The following PRKN variants were observed in gnomAD, a reference collection of about 807,000 sequenced individuals.
PRKN encodes E3 ubiquitin-protein ligase parkin.
In PRKN, 56 loss-of-function variants were observed where a neutral mutation model predicts 59.5. The observed-to-expected ratio is 0.94, with a 90% CI of 0.76 to 1.18. PRKN has a LOEUF of 1.18. PRKN is among the 50% of genes most tolerant of loss of function. The pLI, the probability that PRKN is intolerant of heterozygous loss-of-function variation, is 0.00. For synonymous variants in PRKN, 250 were observed against 222.1 expected (o/e 1.13, Z -1.12); for missense variants, 657 against 596.4 (o/e 1.10, Z -1.06).
chr6:162,380,532 T>C (rs35285809), intron 2 of PRKN, among the ~76,000 whole-genome samples: 6,300 of 143,210 alleles, frequency 0.044, 205 homozygotes, highest in Non-Finnish European at 0.065. Context: ...TATGTATATA[T>C]ACATATATAT....
chr6:162,727,706 G>C lies in PRKN; in HGVS notation c.-38C>G. On this transcript the variant is annotated 5_prime_UTR_variant, in exon 1 of 12. Coordinates refer to ENST00000366898, the MANE Select transcript of PRKN (RefSeq NM_004562.3). ...GGTGGCGGCTGCGGGCCAGGAACAG[G>C]CCCATGCGCGCAGCGGCGCCAGCCG... 1 of 1,558,500 alleles carries C rather than the reference G, an allele frequency of 6.4e-7. No individual in the cohort carries two copies. The highest frequency in any genetic ancestry group is 8.7e-7 in the Non-Finnish European group (1 of 1,151,902).
In PRKN at chr6:162,550,831, G is replaced by A. The variant is rs1196333166; in HGVS notation, c.8-107358C>T. Among the ~76,000 whole-genome samples, 10 of 152,118 alleles carry A rather than the reference G, an allele frequency of 6.6e-5. No individual in the cohort carries two copies. The East Asian group carries it at 9.7e-4, about 15-fold the overall frequency. ...ACTTCCCTGTGTGTCATGCTGCGACGGTGCCATGTCACGCAGCCCACTGGA... is the reference window on the plus strand; with the variant it reads ...ACTTCCCTGTGTGTCATGCTGCGACAGTGCCATGTCACGCAGCCCACTGGA... On this transcript the variant is annotated intron_variant, in intron 1 of 11. Coordinates refer to ENST00000366898, the MANE Select transcript of PRKN (RefSeq NM_004562.3).
chr6:162,651,210 T>C (rs552213711), intron 1 of PRKN, among the ~76,000 whole-genome samples: 1 of 152,272 alleles, frequency 6.6e-6, no homozygotes, highest in African/African-American at 2.4e-5. Flanking sequence ...CAAACCTCCA[T>C]TCTCCTGGTA....
rs1779762780 is a variant in PRKN at position 161,545,453 on chromosome 6, G to A, written c.1083+3401C>T. On this transcript the variant is annotated intron_variant, in intron 9 of 11. Transcript: ENST00000366898. The surrounding 1 kb of genome is among the most constrained non-coding windows in gnomAD (Gnocchi z 4.1). ...GTTGTCCATACTGTGAGAGCAAAGA[G>A]TAAAAAGAGATTCACCTTCTTCTAA... 6.4e-7 allele frequency: 1 copy of A among 1,571,888 alleles called. No homozygotes were observed. The highest frequency in any genetic ancestry group is 8.8e-7 in the Non-Finnish European group (1 of 1,142,766).
At chr6:162,373,506 CTTAATTTCATAA>C (rs1785882376) in intron 2 of PRKN, among the ~76,000 whole-genome samples, 1 of 151,858 alleles carries the variant, frequency 6.6e-6, no homozygotes, top group Non-Finnish European at 1.5e-5. Context: ...GATTTTTTTT[CTTAATTTCATAA>C]CTTATGAAGC....
chr6:161,902,287 T>A (rs1672156436), intron 6 of PRKN, among the ~76,000 whole-genome samples: 2 of 152,134 alleles, frequency 1.3e-5, no homozygotes, highest in Admixed American at 1.3e-4. Context: ...GTCACCAGGC[T>A]GCAGAGGCTC....
At chr6:162,562,387 G>A (rs1250709945) in intron 1 of PRKN, among the ~76,000 whole-genome samples, 1 of 152,128 alleles carries the variant, frequency 6.6e-6, no homozygotes, top group African/African-American at 2.4e-5. Flanking sequence ...AATGCCAAGT[G>A]TGCTCTTGGG....
chr6:162,263,104 G>A (rs1779967565), intron 2 of PRKN, among the ~76,000 whole-genome samples: 1 of 152,098 alleles, frequency 6.6e-6, no homozygotes, highest in African/African-American at 2.4e-5. Flanking sequence ...CCCCAAGACA[G>A]AGTCTCACTC....
At chr6:162,655,694 G>A (rs1409961468) in intron 1 of PRKN, among the ~76,000 whole-genome samples, 1 of 152,138 alleles carries the variant, frequency 6.6e-6, no homozygotes, top group Middle Eastern at 3.2e-3. Flanking sequence ...TTGGCACTGT[G>A]AGATAGATAT....
chr6:161,831,845 A>G (rs1292649554), intron 6 of PRKN, among the ~76,000 whole-genome samples: 1 of 152,210 alleles, frequency 6.6e-6, no homozygotes, highest in East Asian at 1.9e-4. Context: ...CTTTCCTACT[A>G]CAACACAAGT....
At chr6:162,603,145 T>C (rs1781775887) in intron 1 of PRKN, among the ~76,000 whole-genome samples, 1 of 152,320 alleles carries the variant, frequency 6.6e-6, no homozygotes, top group African/African-American at 2.4e-5. Context: ...GTTCCCTATC[T>C]GAGTATATTA....
intron 1 of PRKN, among the ~76,000 whole-genome samples, chr6:162,525,270 T>C (rs1205878093): frequency 1.3e-5 from 2 of 152,112 alleles, no homozygotes; most frequent in African/African-American, 4.8e-5. Flanking sequence ...AATAACCTCT[T>C]GCCAGGTGCT....
At chr6:161,758,089 G>C (rs2128197417) in intron 7 of PRKN, among the ~76,000 whole-genome samples, 1 of 151,514 alleles carries the variant, frequency 6.6e-6, no homozygotes, top group South Asian at 2.1e-4. Flanking sequence ...TGTTGAGTAG[G>C]AACTGGAGCA....
chr6:161,406,546 A>T (rs1787285351), intron 9 of PRKN, among the ~76,000 whole-genome samples: 1 of 152,092 alleles, frequency 6.6e-6, no homozygotes, highest in Non-Finnish European at 1.5e-5. Flanking sequence ...AATATCAGTA[A>T]CCACAGGATT....
Position 161,503,083 on chromosome 6 carries a change from G to A in PRKN, c.1083+45771C>T, listed in dbSNP as rs1415684247. On this transcript the variant is annotated intron_variant, in intron 9 of 11. Transcript: ENST00000366898. The surrounding 1 kb of genome is among the most constrained non-coding windows in gnomAD (Gnocchi z 5.1). ...TATGGTTGATGAACGAATGGTTCTA[G>A]TGACTTTCAGGGTATGTCTTCTGGC... 6.6e-6 allele frequency among the ~76,000 whole-genome samples: 1 copy of A among 152,132 alleles called. No homozygotes were observed. The highest frequency in any genetic ancestry group is 2.4e-5 in the African/African-American group (1 of 41,432).
At chr6:161,723,962 A>ACAGCTCCTTCCACTGTGAGTGCGTGGAAG (rs1386277557) in intron 7 of PRKN, among the ~76,000 whole-genome samples, 2 of 152,132 alleles carry the variant, frequency 1.3e-5, no homozygotes, top group African/African-American at 2.4e-5. Context: ...GCACTCACCT[A>ACAGCTCCTTCCACTGTGAGTGCGTGGAAG]CAGCTCCTTC....
chr6:161,564,426 C>T (rs1780563140), intron 8 of PRKN, among the ~76,000 whole-genome samples: 1 of 152,178 alleles, frequency 6.6e-6, no homozygotes, highest in African/African-American at 2.4e-5. Flanking sequence ...GACCCTTCCC[C>T]CATGCTTGGG....
At chr6:161,438,590 C>T (rs1238213219) in intron 9 of PRKN, among the ~76,000 whole-genome samples, 1 of 151,976 alleles carries the variant, frequency 6.6e-6, no homozygotes, top group African/African-American at 2.4e-5. Context: ...CTTACTTTCA[C>T]TCAGAAGGGA....
chr6:161,433,782 C>T (rs1419949028), intron 9 of PRKN, among the ~76,000 whole-genome samples: 2 of 151,686 alleles, frequency 1.3e-5, no homozygotes, highest in African/African-American at 4.9e-5. Flanking sequence ...TTTGGGAGGC[C>T]GAGGCAAGCA....
Sources: gnomAD v4.1 joint callset for allele counts (sites outside exome capture counted in the v4.1 genomes callset) on GRCh38, gnomAD v4.1.1 for gene constraint, Gnocchi (gnomAD v3.1) non-coding constraint, MANE v1.5 for transcripts, NCBI Gene and HGNC (gene_info 2026-07-23, HGNC 2026-07-21) for gene names.